Variants in BACE2 observed in about 807,000 individuals in gnomAD.
BACE2 encodes the protein beta-secretase 2.
A neutral mutation model predicts 46.2 loss-of-function variants in BACE2; 17 were observed. That is an observed-to-expected ratio of 0.37 (90% confidence interval 0.25 to 0.55). The LOEUF is 0.55. Ranked by LOEUF, BACE2 falls within the 20% of genes least tolerant of loss-of-function variation. The pLI is 0.82. For missense variants in BACE2, 595 were observed against 698.1 expected, an observed-to-expected ratio of 0.85 and a Z score of 1.66; for synonymous variants, 277 against 295.9, an observed-to-expected ratio of 0.94 and a Z score of 0.66.
chr21:41,257,325 A>G lies in BACE2; in HGVS notation c.1302A>G (p.Ala434=). ...TGGGCTTCGCAGCGAGCCCCTGTGC[A>G]GGTGAGCGATTCTGGCATCGAACAG... is the stretch of plus-strand genomic sequence containing the variant. ...KRVGFAASPC[A]EIAGAAVSEI... The change falls in exon 8 of 9, where the codon GCA becomes GCG. Residue 434 remains alanine (A), a splice_region_variant and synonymous_variant. Transcript: ENST00000330333. The G allele has an allele frequency of 6.2e-7, 1 of 1,613,220 alleles. No individual in the cohort carries two copies. The highest frequency in any genetic ancestry group is 8.5e-7 in the Non-Finnish European group (1 of 1,179,690).
At chr21:41,196,675 A>G (rs546664215) in intron 1 of BACE2, among the ~76,000 whole-genome samples, 4 of 152,350 alleles carry the variant, frequency 2.6e-5, no homozygotes, top group South Asian at 2.1e-4. Flanking sequence ...CCAAAGTTAG[A>G]GGATGCAGGA....
At chr21:41,216,368 G>A (rs895575098) in intron 1 of BACE2, among the ~76,000 whole-genome samples, 6 of 152,202 alleles carry the variant, frequency 3.9e-5, no homozygotes, top group Non-Finnish European at 5.9e-5. Context: ...AACGACCATC[G>A]TGGTGACTGG....
At chr21:41,221,608 G>A (rs55933613) in intron 1 of BACE2, among the ~76,000 whole-genome samples, 13,001 of 152,092 alleles carry the variant, frequency 0.085, 1,472 homozygotes, top group African/African-American at 0.26. Context: ...GGTGGATCAC[G>A]AGGTCAGGAG....
intron 2 of BACE2, chr21:41,230,031 C>T (rs894715220): frequency 6.6e-6 from 1 of 152,248 alleles, no homozygotes; most frequent in East Asian, 1.9e-4. Context: ...TTGCCACTTC[C>T]ACCATTCAAA....
chr21:41,182,455 C>G, intron 1 of BACE2: 1 of 166,848 alleles, frequency 6.0e-6, no homozygotes, highest in Non-Finnish European at 1.5e-5. Context: ...GCTATTTTTT[C>G]CTTTGTGGGG....
At chr21:41,271,191 T>C (rs769303193) in intron 8 of BACE2, among the ~76,000 whole-genome samples, 5 of 149,536 alleles carry the variant, frequency 3.3e-5, no homozygotes, top group Non-Finnish European at 5.9e-5. Flanking sequence ...AGTCTTAACA[T>C]TAAAAGTGAG....
intron 1 of BACE2, among the ~76,000 whole-genome samples, chr21:41,173,462 C>T (rs533933685): frequency 1.5e-3 from 228 of 152,190 alleles, no homozygotes; most frequent in East Asian, 2.7e-3. Flanking sequence ...AAATGTCAGG[C>T]GGGGCGCGGT....
At chr21:41,223,815 C>T (rs578092067) in intron 1 of BACE2, among the ~76,000 whole-genome samples, 16 of 152,184 alleles carry the variant, frequency 1.1e-4, no homozygotes, top group African/African-American at 1.2e-4. Context: ...AGAGTGCATG[C>T]GCAGCCCGGG....
At chr21:41,275,231 G>A (rs1236054499) in intron 8 of BACE2, 140 bp from the exon 9 acceptor site, 5 of 1,178,834 alleles carry the variant, frequency 4.2e-6, no homozygotes, top group Non-Finnish European at 6.0e-6. Context: ...CCCACTCAGT[G>A]CTTCCTGAGC....
intron 1 of BACE2, among the ~76,000 whole-genome samples, chr21:41,199,778 GC>G (rs984623748): frequency 1.3e-5 from 2 of 152,158 alleles, no homozygotes; most frequent in African/African-American, 4.8e-5. Flanking sequence ...GGTGGTGTGT[GC>G]CCTGCCCCTC....
intron 6 of BACE2, among the ~76,000 whole-genome samples, chr21:41,247,721 C>T (rs1386379451): frequency 6.6e-6 from 1 of 152,200 alleles, no homozygotes; most frequent in African/African-American, 2.4e-5. Context: ...CCGAAAACCA[C>T]GAGGTAGAGG....
intron 1 of BACE2, among the ~76,000 whole-genome samples, chr21:41,203,807 G>C (rs1479092957): frequency 6.6e-6 from 1 of 152,184 alleles, no homozygotes; most frequent in Non-Finnish European, 1.5e-5. Context: ...GGTGAGGCAA[G>C]ATACCTGAAG....
intron 8 of BACE2, among the ~76,000 whole-genome samples, chr21:41,266,702 G>C (rs1988076139): frequency 6.6e-6 from 1 of 152,216 alleles, no homozygotes; most frequent in East Asian, 1.9e-4. Context: ...CAGGCATCTT[G>C]ACCCCAGTGC....
At chr21:41,221,818 ACT>A (rs1458284596) in intron 1 of BACE2, among the ~76,000 whole-genome samples, 68 of 127,168 alleles carry the variant, frequency 5.3e-4, no homozygotes, top group Middle Eastern at 4.3e-3. Context: ...ACTGAGCGAG[ACT>A]CTGTCTCAAA....
chr21:41,168,427 G>A lies in BACE2; in HGVS notation c.164G>A (p.Arg55His), dbSNP rs1270123997. 1.4e-6 allele frequency: 2 copies of A among 1,398,114 alleles called. No individual in the cohort carries two copies. The highest frequency in any genetic ancestry group is 1.9e-6 in the Non-Finnish European group (2 of 1,074,044). The allele number at this position is 1,398,114 out of a possible 1,614,324, so 86.6% of individuals were successfully genotyped here. ...PTPGPGTPAERHADGLALALE... is the reference protein window; with the variant it reads ...PTPGPGTPAEHHADGLALALE... ...CCGGGACCCGGGACCCCTGCCGAGC[G>A]CCACGCCGACGGCTTGGCGCTCGCC... The change falls in exon 1 of 9, where the codon CGC (arginine) becomes CAC (histidine). Residue 55 changes from arginine to histidine, a missense_variant. By Grantham distance (29) the Arg-to-His change is conservative. This residue lies in a region of BACE2 where 248 missense variants were observed against 261.4 expected (regional missense o/e 0.95). Coordinates refer to ENST00000330333, the MANE Select transcript of BACE2 (RefSeq NM_012105.5).
rs2088481761 is a variant in BACE2, at chr21:41,275,777, T to C, written c.*153T>C. On this transcript the variant is annotated 3_prime_UTR_variant, in exon 9 of 9. Coordinates refer to ENST00000330333, the MANE Select transcript of BACE2 (RefSeq NM_012105.5). ...CCAGATGCCTTCTAGATTCACTGTC[T>C]TTTGATTCTTGATTTTCAAGCTTTC... 1.2e-6 allele frequency: 1 copy of C among 861,396 alleles called. No individual in the cohort carries two copies. The highest frequency in any genetic ancestry group is 2.9e-5 in the Admixed American group (1 of 34,098). The allele number at this position is 861,396 out of a possible 1,614,324, so 53.4% of individuals were successfully genotyped here.
intron 8 of BACE2, among the ~76,000 whole-genome samples, chr21:41,262,361 C>T (rs985000952): frequency 2.0e-5 from 3 of 152,134 alleles, no homozygotes; most frequent in Non-Finnish European, 2.9e-5. Flanking sequence ...CCATTTATGC[C>T]TGAGCCTACT....
chr21:41,190,342 A>G (rs1985523489), intron 1 of BACE2, among the ~76,000 whole-genome samples: 1 of 152,234 alleles, frequency 6.6e-6, no homozygotes, highest in East Asian at 1.9e-4. Flanking sequence ...CAACCCAAAT[A>G]CTATTACATA....
At chr21:41,263,857 A>T (rs147122209) in intron 8 of BACE2, among the ~76,000 whole-genome samples, 1 of 152,150 alleles carries the variant, frequency 6.6e-6, no homozygotes, top group Admixed American at 6.5e-5. Flanking sequence ...TACCCTTTAC[A>T]CTCTCTGAAT....
Sources: gnomAD v4.1 joint callset for allele counts (sites outside exome capture counted in the v4.1 genomes callset) on GRCh38, gnomAD v4.1.1 for gene constraint, gnomAD v4.1.1 regional missense constraint, MANE v1.5 for transcripts, NCBI Gene and HGNC (gene_info 2026-07-23, HGNC 2026-07-21) for gene names.